Variants in TMED3 observed in about 807,000 individuals in gnomAD.
TMED3 encodes transmembrane p24 trafficking protein 3.
TMED3 carries 9 observed loss-of-function variants against 15.0 expected under a neutral mutation model. The ratio of observed to expected loss-of-function variants is 0.60; its 90% CI spans 0.36 to 1.04. The LOEUF is 1.04. Among genes scored for constraint, TMED3 ranks in the 50% least tolerant of loss-of-function variants. The pLI, the probability that TMED3 is intolerant of heterozygous loss-of-function variation, is 0.01. For synonymous variants in TMED3, 117 were observed against 121.4 expected (o/e 0.96, Z 0.24); for missense variants, 267 against 278.9 (o/e 0.96, Z 0.30).
intron 2 of TMED3, among the ~76,000 whole-genome samples, chr15:79,363,652 C>T (rs1391488112): frequency 6.6e-6 from 1 of 152,124 alleles, no homozygotes; most frequent in Non-Finnish European, 1.5e-5. Flanking sequence ...AAAACAATTA[C>T]AGTTTACAAC....
intron 2 of TMED3, among the ~76,000 whole-genome samples, chr15:79,353,575 TACACACACAC>T (rs55929180): frequency 3.0e-5 from 4 of 135,590 alleles, no homozygotes; most frequent in Non-Finnish European, 4.7e-5. Context: ...GGGTTAAAAA[TACACACACAC>T]ACACACACAC....
chr15:79,342,453 C>T (rs2058855049), intron 2 of TMED3, among the ~76,000 whole-genome samples: 1 of 151,922 alleles, frequency 6.6e-6, no homozygotes, highest in African/African-American at 2.4e-5. Context: ...AAATAACTTC[C>T]AGGTAGATAA....
Position 79,322,512 on chromosome 15 carries a change from G to T in TMED3, c.*298G>T. 1 of 1,204,200 alleles carries T rather than the reference G, an allele frequency of 8.3e-7. No individual in the cohort carries two copies. Among genetic ancestry groups the T allele is most frequent in the East Asian group, 4.3e-5 (1 of 23,202 alleles). The allele number at this position is 1,204,200 out of a possible 1,614,324, so 74.6% of individuals were successfully genotyped here. On this transcript the variant is annotated 3_prime_UTR_variant, in exon 3 of 3. Coordinates refer to ENST00000299705, the MANE Select transcript of TMED3 (RefSeq NM_007364.4). ...CAGGCAATGGTTCAGTGGCCTGGCT[G>T]TTGGCAGGAACTCCAAGTGCCCAGG...
At chr15:79,333,481 A>G (rs997104563) in intron 2 of TMED3, among the ~76,000 whole-genome samples, 3 of 152,202 alleles carry the variant, frequency 2.0e-5, no homozygotes, top group African/African-American at 4.8e-5. Flanking sequence ...CTGAGCCATT[A>G]TAATTCTGGA....
chr15:79,321,240 TCAC>T (rs1403168605), intron 2 of TMED3, among the ~76,000 whole-genome samples: 2 of 152,206 alleles, frequency 1.3e-5, no homozygotes, highest in Non-Finnish European at 2.9e-5. Flanking sequence ...CTCATCATAT[TCAC>T]AGCTTTCTGG....
chr15:79,383,146 G>A, intron 2 of TMED3: 1 of 898,590 alleles, frequency 1.1e-6, no homozygotes, highest in Non-Finnish European at 1.8e-6. Flanking sequence ...TTCACTTCCT[G>A]CCTTGTCCAC....
At chr15:79,406,987 C>T (rs1247162335) in intron 2 of TMED3, among the ~76,000 whole-genome samples, 3 of 152,210 alleles carry the variant, frequency 2.0e-5, no homozygotes, top group African/African-American at 7.2e-5. Context: ...CTTAAAAGTG[C>T]TAATGCCTCT....
intron 2 of TMED3, among the ~76,000 whole-genome samples, chr15:79,372,121 C>T (rs575414387): frequency 6.6e-6 from 1 of 152,222 alleles, no homozygotes; most frequent in African/African-American, 2.4e-5. Context: ...GAGTCAGTCA[C>T]GTTAGGTTTC....
At chr15:79,411,331 C>A in intron 2 of TMED3, 2 of 689,446 alleles carry the variant, frequency 2.9e-6, no homozygotes, top group South Asian at 3.0e-5. Context: ...AAATGGAGGG[C>A]TTTATCCTGG....
intron 2 of TMED3, among the ~76,000 whole-genome samples, chr15:79,385,948 C>T (rs1004149197): frequency 2.0e-5 from 3 of 152,134 alleles, no homozygotes; most frequent in Non-Finnish European, 4.4e-5. Flanking sequence ...GATTTCAGCC[C>T]AGGTCCACCA....
intron 2 of TMED3, among the ~76,000 whole-genome samples, chr15:79,393,367 A>C (rs960579640): frequency 3.9e-5 from 6 of 152,364 alleles, no homozygotes; most frequent in Non-Finnish European, 5.9e-5. Context: ...GCTAAATGCC[A>C]GGAGAGGATA....
chr15:79,357,674 A>T (rs1317178818), intron 2 of TMED3, among the ~76,000 whole-genome samples: 1 of 151,778 alleles, frequency 6.6e-6, no homozygotes, highest in African/African-American at 2.4e-5. Flanking sequence ...CTGTAGAGGG[A>T]GCTGGCGGCC....
chr15:79,412,615 A>T (rs1439874413), exon 3 of TMED3: 2 of 152,454 alleles, frequency 1.3e-5, no homozygotes, highest in Non-Finnish European at 2.9e-5. Flanking sequence ...TGAGGGGCCC[A>T]CCTTCCCATG....
chr15:79,356,576 T>C (rs1206313600), intron 2 of TMED3, among the ~76,000 whole-genome samples: 1 of 152,124 alleles, frequency 6.6e-6, no homozygotes, highest in Non-Finnish European at 1.5e-5. Flanking sequence ...CATACATTCA[T>C]ATGCACTCTC....
At chr15:79,387,645 C>G (rs1242708396) in intron 2 of TMED3, among the ~76,000 whole-genome samples, 3 of 152,044 alleles carry the variant, frequency 2.0e-5, no homozygotes, top group African/African-American at 7.2e-5. Context: ...TATTATAACC[C>G]TGTTCAGATT....
At chr15:79,376,184 A>G (rs1402025190) in intron 2 of TMED3, among the ~76,000 whole-genome samples, 1 of 141,394 alleles carries the variant, frequency 7.1e-6, no homozygotes, top group African/African-American at 2.7e-5. Context: ...ATCTCGGCTC[A>G]CTGCAAGCTC....
chr15:79,325,860 AG>A (rs2058785433), downstream of TMED3, among the ~76,000 whole-genome samples: 1 of 152,168 alleles, frequency 6.6e-6, no homozygotes, highest in Non-Finnish European at 1.5e-5. Flanking sequence ...AGACTCAGCA[AG>A]CCATCTTATC....
At position 79,339,882 on chromosome 15, in the gene TMED3, ATGG is replaced by A. The variant is rs556810541; in HGVS notation, c.417+25883_417+25885del. On this transcript the variant is annotated intron_variant, in intron 2 of 2. Transcript: ENST00000424155. ...GATGGTGGTGATGATGGTAGTGGTGATGGTGGTGATGGTGGTGATTAGGATGGT... is the reference window on the plus strand; with the variant it reads ...GATGGTGGTGATGATGGTAGTGGTGATGGTGATGGTGGTGATTAGGATGGT... 1.1e-4 allele frequency among the ~76,000 whole-genome samples: 13 copies of A among 122,108 alleles called. No homozygotes were observed. In the South Asian group the frequency reaches 3.5e-3, roughly 33 times the overall value. 80.1% of individuals were successfully genotyped at this position (122,108 alleles called of 152,430 possible).
chr15:79,317,610 A>G (rs200628522), intron 2 of TMED3, among the ~76,000 whole-genome samples: 2 of 152,018 alleles, frequency 1.3e-5, no homozygotes, highest in Admixed American at 6.5e-5. Flanking sequence ...ATGAATACAT[A>G]TGTGTGTGTG....
Sources: gnomAD v4.1 joint callset for allele counts (sites outside exome capture counted in the v4.1 genomes callset) on GRCh38, gnomAD v4.1.1 for gene constraint, MANE v1.5 for transcripts, NCBI Gene and HGNC (gene_info 2026-07-23, HGNC 2026-07-21) for gene names.